WDR64: variants seen among roughly 807,000 people sequenced by gnomAD.
The protein encoded by WDR64 is WD repeat-containing protein 64.
A neutral mutation model predicts 139.3 loss-of-function variants in WDR64; 112 were observed. The ratio of observed to expected loss-of-function variants is 0.80; its 90% CI spans 0.69 to 0.94. The LOEUF is 0.94. WDR64 is among the 40% of genes least tolerant of loss of function. The probability of loss-of-function intolerance (pLI) is 0.00; values close to 1 mark genes in which losing one functional copy is unlikely to be tolerated. For synonymous variants in WDR64, 444 were observed against 437.7 expected (o/e 1.01, Z -0.18); for missense variants, 1,206 against 1,293.1 (o/e 0.93, Z 1.03).
At chr1:241,660,476 C>G (rs950292157) in intron 1 of WDR64, 54 bp from the exon 2 acceptor site, 1 of 1,521,660 alleles carries the variant, frequency 6.6e-7, no homozygotes, top group Non-Finnish European at 8.9e-7. Flanking sequence ...AGCTGAAATA[C>G]AAAAGGTAGT....
chr1:241,797,626 T>C (rs1399732241), intron 27 of WDR64, among the ~76,000 whole-genome samples: 2 of 152,202 alleles, frequency 1.3e-5, no homozygotes, highest in Non-Finnish European at 2.9e-5. Flanking sequence ...GTGCACTTAA[T>C]GAGAATATGA....
intron 9 of WDR64, among the ~76,000 whole-genome samples, chr1:241,717,611 C>T (rs561649141): frequency 1.0e-4 from 14 of 137,454 alleles, no homozygotes; most frequent in African/African-American, 3.2e-4. Context: ...GCTTCACACA[C>T]GCAGAAAAGA....
In WDR64 at chr1:241,766,308, G is replaced by A. The variant is rs1286846924; in HGVS notation, c.2038G>A (p.Val680Met). The A allele has an allele frequency of 6.2e-7, 1 of 1,614,010 alleles. No homozygotes were observed. The highest frequency in any genetic ancestry group is 1.3e-5 in the African/African-American group (1 of 74,940). Residue 680 changes from valine to methionine, a missense_variant, in exon 16 of 28, where the codon GTG becomes ATG. Physicochemically the swap from Val to Met is conservative, Grantham distance 21. Transcript: ENST00000437684. ...GATAGCAGCTGGAACCTTAAATGGT[G>A]TGATCATCTTATGGAATTTTGTGAC... ...NLIAAGTLNG[V>M]IILWNFVTST... is the part of the protein sequence containing the mutation.
chr1:241,787,787 A>G lies in WDR64; in HGVS notation c.2706-62A>G. On this transcript the variant is annotated intron_variant, in intron 23 of 27. Coordinates refer to ENST00000437684, the MANE Select transcript of WDR64 (RefSeq NM_001367482.1). The stretch of plus-strand genomic sequence containing the variant: ...CTAATTTACATAAACGATCTAATGA[A>G]CAGAATAACTTTGACCAAATTTTCC... 1.4e-6 allele frequency: 2 copies of G among 1,421,626 alleles called. 1 individual carries two copies. The highest frequency in any genetic ancestry group is 4.9e-5 in the East Asian group (2 of 41,032). 88.1% of individuals were successfully genotyped at this position (1,421,626 alleles called of 1,614,324 possible).
intron 8 of WDR64, among the ~76,000 whole-genome samples, chr1:241,700,143 A>G (rs1667654626): frequency 3.3e-5 from 5 of 150,392 alleles, no homozygotes; most frequent in Admixed American, 3.3e-4. Context: ...GATGAGAAGA[A>G]TAAAGGAGAG....
At chr1:241,749,832 A>G in intron 14 of WDR64, 110 bp downstream of exon 14, 1 of 1,260,984 alleles carries the variant, frequency 7.9e-7, no homozygotes, top group Non-Finnish European at 1.1e-6. Flanking sequence ...CCAGCTGAAG[A>G]TGGTATTTAT....
intron 15 of WDR64, 136 bp from the exon 16 acceptor site, chr1:241,766,082 C>A (rs1359672476): frequency 5.0e-6 from 4 of 796,422 alleles, no homozygotes; most frequent in African/African-American, 3.5e-5. Flanking sequence ...TACTAAATTT[C>A]ATGCTCTGAT....
At chr1:241,721,858 T>C (rs1422043075) in intron 9 of WDR64, among the ~76,000 whole-genome samples, 2 of 152,172 alleles carry the variant, frequency 1.3e-5, no homozygotes, top group Non-Finnish European at 2.9e-5. Flanking sequence ...TCCCAAAATG[T>C]GAATGGGTCA....
intron 15 of WDR64, among the ~76,000 whole-genome samples, chr1:241,762,819 T>G (rs1657981703): frequency 6.6e-6 from 1 of 152,070 alleles, no homozygotes; most frequent in African/African-American, 2.4e-5. Flanking sequence ...TTATGGAATT[T>G]GGAAACAATT....
chr1:241,742,425 A>G (rs2148246780), intron 12 of WDR64, among the ~76,000 whole-genome samples: 1 of 152,342 alleles, frequency 6.6e-6, no homozygotes, highest in Non-Finnish European at 1.5e-5. Flanking sequence ...CCTTGCTGAT[A>G]AAACGAGTTG....
chr1:241,655,718 T>TTTTC (rs35170095), intron 1 of WDR64, among the ~76,000 whole-genome samples: 2 of 151,640 alleles, frequency 1.3e-5, no homozygotes, highest in Non-Finnish European at 2.9e-5. Context: ...TTTTTTTTTT[T>TTTTC]GATGCCTGTA....
At chr1:241,765,690 T>G (rs897421439) in intron 15 of WDR64, among the ~76,000 whole-genome samples, 1 of 152,200 alleles carries the variant, frequency 6.6e-6, no homozygotes, top group Non-Finnish European at 1.5e-5. Flanking sequence ...AATCAACACT[T>G]TGAGTACTTT....
intron 8 of WDR64, among the ~76,000 whole-genome samples, chr1:241,701,517 C>T (rs992655346): frequency 3.3e-5 from 5 of 152,204 alleles, no homozygotes; most frequent in Non-Finnish European, 5.9e-5. Flanking sequence ...GCAATCTGAT[C>T]TTTGCTCTGA....
intron 20 of WDR64, among the ~76,000 whole-genome samples, chr1:241,774,239 C>G (rs1354208088): frequency 6.6e-6 from 1 of 152,156 alleles, no homozygotes; most frequent in Non-Finnish European, 1.5e-5. Context: ...AACACGGAAC[C>G]GCATGGCTTT....
intron 21 of WDR64, among the ~76,000 whole-genome samples, chr1:241,777,353 A>G (rs1191949466): frequency 1.3e-5 from 2 of 152,184 alleles, no homozygotes; most frequent in East Asian, 1.9e-4. Context: ...ATTGAATGCT[A>G]TAAGTTTCCA....
At chr1:241,747,594 T>G (rs1669810571) in intron 13 of WDR64, among the ~76,000 whole-genome samples, 1 of 152,210 alleles carries the variant, frequency 6.6e-6, no homozygotes, top group South Asian at 2.1e-4. Flanking sequence ...TTAAAATGCT[T>G]TAAGCACTAT....
At chr1:241,704,956 A>T (rs1038984748) in intron 8 of WDR64, among the ~76,000 whole-genome samples, 5 of 152,172 alleles carry the variant, frequency 3.3e-5, no homozygotes, top group Admixed American at 3.3e-4. Flanking sequence ...AAGAGGGATT[A>T]AGGTACCTGG....
intron 20 of WDR64, among the ~76,000 whole-genome samples, chr1:241,774,761 G>C (rs903062374): frequency 6.6e-6 from 1 of 151,894 alleles, no homozygotes; most frequent in African/African-American, 2.4e-5. Flanking sequence ...TTAAAAAAAA[G>C]AAATAAAAAG....
intron 15 of WDR64, among the ~76,000 whole-genome samples, chr1:241,760,083 T>C (rs1558511780): frequency 6.6e-6 from 1 of 152,346 alleles, no homozygotes; most frequent in East Asian, 1.9e-4. Flanking sequence ...TATTCCATTG[T>C]TTGCATAGAA....
Sources: allele counts gnomAD v4.1 joint callset (sites outside exome capture counted in the v4.1 genomes callset), GRCh38; gene constraint gnomAD v4.1.1; transcripts MANE v1.5; gene names NCBI Gene and HGNC (gene_info 2026-07-23, HGNC 2026-07-21).